BCL2: variants seen among roughly 807,000 people sequenced by gnomAD.
The protein encoded by BCL2 is BCL2 apoptosis regulator.
Under a neutral mutation model 14.2 loss-of-function variants are expected in BCL2, and 1 was observed. The observed-to-expected ratio is 0.07, with a 90% CI of 0.02 to 0.33. BCL2 has a LOEUF of 0.33. Among genes scored for constraint, BCL2 ranks in the 10% least tolerant of loss-of-function variants. The probability of loss-of-function intolerance (pLI) is 0.99; values close to 1 mark genes in which losing one functional copy is unlikely to be tolerated. For synonymous variants in BCL2, 151 were observed against 137.2 expected, an observed-to-expected ratio of 1.10 and a Z score of -0.70; for missense variants, 247 against 305.9, an observed-to-expected ratio of 0.81 and a Z score of 1.44.
intron 2 of BCL2, among the ~76,000 whole-genome samples, chr18:63,164,934 C>T (rs1227801577): frequency 6.6e-6 from 1 of 152,128 alleles, no homozygotes; most frequent in Non-Finnish European, 1.5e-5. Context: ...CCCAAATGTC[C>T]AACAATGATA....
chr18:63,187,512 T>C (rs1280173230), intron 2 of BCL2, among the ~76,000 whole-genome samples: 1 of 152,228 alleles, frequency 6.6e-6, no homozygotes, highest in Admixed American at 6.5e-5. Flanking sequence ...TAAAAAGCCT[T>C]TCCTAAAACC....
intron 2 of BCL2, among the ~76,000 whole-genome samples, chr18:63,205,279 G>A (rs1339363334): frequency 6.6e-6 from 1 of 152,134 alleles, no homozygotes; most frequent in African/African-American, 2.4e-5. Context: ...TGTACACCTG[G>A]CTGTCTTCCC....
chr18:63,307,645 G>GA, intron 2 of BCL2, among the ~76,000 whole-genome samples: 1 of 152,326 alleles, frequency 6.6e-6, no homozygotes, highest in South Asian at 2.1e-4. Flanking sequence ...ACTGTCACTG[G>GA]ATGTATTCAT....
intron 2 of BCL2, among the ~76,000 whole-genome samples, chr18:63,184,586 G>A (rs1185342520): frequency 1.3e-5 from 2 of 152,138 alleles, no homozygotes; most frequent in Admixed American, 1.3e-4. Context: ...TCCCCATCTG[G>A]GGCATTTGCC....
intron 2 of BCL2, among the ~76,000 whole-genome samples, chr18:63,230,821 C>A (rs1910669138): frequency 6.6e-6 from 1 of 151,320 alleles, no homozygotes. Context: ...CAGTCTAAAC[C>A]TACATTGTAG....
At chr18:63,270,609 T>G (rs1437500951) in intron 2 of BCL2, among the ~76,000 whole-genome samples, 1 of 152,166 alleles carries the variant, frequency 6.6e-6, no homozygotes, top group Non-Finnish European at 1.5e-5. Context: ...ACATAGATTC[T>G]GCGGAAAGGA....
chr18:63,228,983 T>A (rs1910619295), intron 2 of BCL2, among the ~76,000 whole-genome samples: 1 of 152,258 alleles, frequency 6.6e-6, no homozygotes, highest in African/African-American at 2.4e-5. Context: ...GTGCTGGGAT[T>A]ACAGGCATGA....
intron 2 of BCL2, among the ~76,000 whole-genome samples, chr18:63,231,434 A>G (rs943961990): frequency 1.4e-4 from 22 of 152,076 alleles, no homozygotes; most frequent in African/African-American, 5.3e-4. Context: ...TTTGCAAATG[A>G]TAAGATTGTC....
intron 2 of BCL2, among the ~76,000 whole-genome samples, chr18:63,199,005 A>C (rs1246467522): frequency 1.3e-5 from 2 of 149,430 alleles, no homozygotes; most frequent in South Asian, 2.1e-4. Flanking sequence ...AGACATACAC[A>C]GACACACACA....
intron 2 of BCL2, among the ~76,000 whole-genome samples, chr18:63,151,487 T>G (rs952949300): frequency 1.1e-4 from 6 of 53,924 alleles, no homozygotes; most frequent in Admixed American, 2.9e-4. Flanking sequence ...CGATAATAGA[T>G]GGGGGGCGAT....
Position 63,318,511 on chromosome 18 carries a change from C to G in BCL2, c.156G>C (p.Gln52His), listed in dbSNP as rs1324162631. 1 of 1,556,312 alleles carries G rather than the reference C, an allele frequency of 6.4e-7. No homozygotes were observed. Among genetic ancestry groups the G allele is most frequent in the Non-Finnish European group, 8.6e-7 (1 of 1,158,496 alleles). The change falls in exon 2 of 3, where the codon CAG becomes CAC. Residue 52 changes from glutamine (Q) to histidine (H), a missense_variant. Physicochemically the swap from Gln to His is conservative, Grantham distance 24. This residue lies in a region of BCL2 where 144 missense variants were observed against 135.3 expected (regional missense o/e 1.06). Coordinates refer to ENST00000333681, the MANE Select transcript of BCL2 (RefSeq NM_000633.3). This position sits in a 1 kb window ranked among gnomAD's most constrained non-coding sequence, Gnocchi z 7.4. ...AAPAPGIFSS[Q>H]PGHTPHPAAS... is the part of the protein sequence containing the mutation. The stretch of plus-strand genomic sequence containing the variant: ...CGGCTGGATGGGGCGTGTGCCCGGG[C>G]TGGGAGGAGAAGATGCCCGGTGCGG...
chr18:63,168,282 G>A (rs1915094664), intron 2 of BCL2, among the ~76,000 whole-genome samples: 1 of 150,136 alleles, frequency 6.7e-6, no homozygotes, highest in South Asian at 2.1e-4. Flanking sequence ...CTGGGGTCAG[G>A]TGTGATGGCT....
rs1227818669 is a variant in BCL2, at chr18:63,319,701, G to A, written c.-814C>T. On this transcript the variant is annotated 5_prime_UTR_variant, in exon 1 of 3. Coordinates refer to ENST00000333681, the MANE Select transcript of BCL2 (RefSeq NM_000633.3). Reference sequence around the variant, plus strand: ...TCCGAAAAGCTGCTGGATAAATGAAGGCAGGACGCGCCTGGCCCGCCGGTG... The same window carrying A: ...TCCGAAAAGCTGCTGGATAAATGAAAGCAGGACGCGCCTGGCCCGCCGGTG... 3 of 215,356 alleles carry A rather than the reference G, an allele frequency of 1.4e-5. No homozygotes were observed. The highest frequency in any genetic ancestry group is 2.2e-5 in the African/African-American group (1 of 44,460). 13.3% of individuals were successfully genotyped at this position (215,356 alleles called of 1,614,324 possible). A position where few individuals can be genotyped will look rare whatever the true frequency, so the allele number is the denominator to read the frequency against.
intron 2 of BCL2, among the ~76,000 whole-genome samples, chr18:63,197,801 T>C (rs914418136): frequency 6.6e-6 from 1 of 152,156 alleles, no homozygotes; most frequent in African/African-American, 2.4e-5. Context: ...AAAAGCATGT[T>C]AGTCAGACAT....
intron 2 of BCL2, among the ~76,000 whole-genome samples, chr18:63,306,277 G>A (rs1406282784): frequency 6.6e-6 from 1 of 152,182 alleles, no homozygotes; most frequent in Non-Finnish European, 1.5e-5. Context: ...TGCAAAGCTA[G>A]CAATTTCTTG....
chr18:63,257,817 C>T (rs1039313312), intron 2 of BCL2, among the ~76,000 whole-genome samples: 28 of 152,070 alleles, frequency 1.8e-4, no homozygotes, highest in Non-Finnish European at 3.2e-4. Flanking sequence ...AGTGGAGGGA[C>T]GGAGCATGGA....
At chr18:63,305,931 T>C (rs929262152) in intron 2 of BCL2, among the ~76,000 whole-genome samples, 2 of 151,832 alleles carry the variant, frequency 1.3e-5, no homozygotes, top group African/African-American at 4.8e-5. Flanking sequence ...AGACATTATC[T>C]AGGTGTGGTG....
At chr18:63,155,534 GGGTGGGCGC>G (rs143756547) in intron 2 of BCL2, among the ~76,000 whole-genome samples, 2,748 of 152,288 alleles carry the variant, frequency 0.018, 87 homozygotes, top group African/African-American at 0.063. Context: ...CAGGAGTGCA[GGGTGGGCGC>G]GGTAAAGAGA....
chr18:63,145,192 G>C (rs1769330484), intron 2 of BCL2, among the ~76,000 whole-genome samples: 1 of 152,218 alleles, frequency 6.6e-6, no homozygotes, highest in Non-Finnish European at 1.5e-5. Context: ...TGTGGCCCCA[G>C]AGCTTCCACA....
Sources: allele counts gnomAD v4.1 joint callset (sites outside exome capture counted in the v4.1 genomes callset), GRCh38; gene constraint gnomAD v4.1.1; regional missense constraint gnomAD v4.1.1; non-coding constraint Gnocchi (gnomAD v3.1); transcripts MANE v1.5; gene names NCBI Gene and HGNC (gene_info 2026-07-23, HGNC 2026-07-21).